Variants in C5orf46 observed in about 807,000 individuals in gnomAD.
C5orf46 encodes the protein chromosome 5 open reading frame 46.
A neutral mutation model predicts 8.9 loss-of-function variants in C5orf46; 9 were observed. The ratio of observed to expected loss-of-function variants is 1.01; its 90% CI spans 0.61 to 1.76. The LOEUF is 1.76. C5orf46 is among the 40% of genes most tolerant of loss of function. The pLI, the probability that C5orf46 is intolerant of heterozygous loss-of-function variation, is 0.00. For synonymous variants in C5orf46, 47 were observed against 41.4 expected, an observed-to-expected ratio of 1.14 and a Z score of -0.52; for missense variants, 98 against 107.8, an observed-to-expected ratio of 0.91 and a Z score of 0.40.
downstream of C5orf46, among the ~76,000 whole-genome samples, chr5:147,892,471 A>G (rs562550308): frequency 6.6e-6 from 1 of 152,188 alleles, no homozygotes; most frequent in South Asian, 2.1e-4. Flanking sequence ...CTGAAATTGC[A>G]TACATTTTTA....
chr5:147,890,825 C>T (rs1757492926), downstream of C5orf46, among the ~76,000 whole-genome samples: 1 of 150,564 alleles, frequency 6.6e-6, no homozygotes, highest in South Asian at 2.1e-4. Context: ...GTGAATAACT[C>T]AGGTAGGATC....
At chr5:147,901,116 C>T (rs764275731) in intron 2 of C5orf46, among the ~76,000 whole-genome samples, 2 of 152,092 alleles carry the variant, frequency 1.3e-5, no homozygotes, top group Non-Finnish European at 2.9e-5. Context: ...GCTACTCAAG[C>T]TAGAAAATAT....
At chr5:147,901,496 T>A in intron 2 of C5orf46, 133 bp downstream of exon 2, 1 of 794,780 alleles carries the variant, frequency 1.3e-6, no homozygotes, top group Non-Finnish European at 1.9e-6. Context: ...TAGGGCAACA[T>A]TTTTCAATGA....
chr5:147,901,869 C>T (rs1383991081), intron 1 of C5orf46, 96 bp from the exon 2 acceptor site: 1 of 1,342,904 alleles, frequency 7.4e-7, no homozygotes, highest in Non-Finnish European at 1.0e-6. Flanking sequence ...CTGACCCACT[C>T]ACAAATTTCA....
downstream of C5orf46, among the ~76,000 whole-genome samples, chr5:147,890,105 A>T (rs1051085839): frequency 6.6e-6 from 1 of 152,178 alleles, no homozygotes; most frequent in Non-Finnish European, 1.5e-5. Flanking sequence ...CCGAGGGAGC[A>T]TGAATGGTTC....
intron 2 of C5orf46, chr5:147,886,126 A>G (rs1757413684): frequency 6.6e-6 from 1 of 152,200 alleles, no homozygotes; most frequent in Non-Finnish European, 1.5e-5. Context: ...TCTCAAAATG[A>G]CAAAATTATA....
At chr5:147,898,412 C>T (rs1175825706) in intron 2 of C5orf46, among the ~76,000 whole-genome samples, 2 of 151,962 alleles carry the variant, frequency 1.3e-5, no homozygotes, top group African/African-American at 4.8e-5. Context: ...GATGATGTGA[C>T]TTAATGAGAT....
chr5:147,886,114 A>G (rs1757413593), intron 2 of C5orf46: 1 of 152,206 alleles, frequency 6.6e-6, no homozygotes, highest in African/African-American at 2.4e-5. Flanking sequence ...TTTATGTAAC[A>G]TTCTCAAAAT....
At chr5:147,886,470 A>G (rs1018938544) in intron 2 of C5orf46, 1 of 150,716 alleles carries the variant, frequency 6.6e-6, no homozygotes. Context: ...TCATATAATC[A>G]TATGGAATAT....
At chr5:147,896,509 A>G (rs1307042599) in intron 3 of C5orf46, among the ~76,000 whole-genome samples, 2 of 152,226 alleles carry the variant, frequency 1.3e-5, no homozygotes, top group Non-Finnish European at 2.9e-5. Flanking sequence ...CGAGTAGGGA[A>G]AAAGCAAGTA....
intron 2 of C5orf46, chr5:147,887,131 C>T (rs560125371): frequency 6.6e-6 from 1 of 152,238 alleles, no homozygotes; most frequent in South Asian, 2.1e-4. Context: ...TACAACCAGA[C>T]AGGTAAGTAC....
chr5:147,898,301 C>A (rs745971328), intron 2 of C5orf46, among the ~76,000 whole-genome samples: 1 of 151,790 alleles, frequency 6.6e-6, no homozygotes, highest in African/African-American at 2.4e-5. Context: ...TACATATACC[C>A]GAGGAAGGTA....
chr5:147,906,483 GA>G lies in C5orf46; in HGVS notation c.18del (p.Arg7AlafsTer2). On this transcript the variant is annotated frameshift_variant, in exon 1 of 4. Coordinates refer to ENST00000318315, the MANE Select transcript of C5orf46 (RefSeq NM_206966.3). LOFTEE classifies it high-confidence loss of function. ...AGCAGTCCCAGGACAACTGTCAGGCGAAGTACTGAGACAGCCATTCTGGTAG... is the reference window on the plus strand; with the variant it reads ...AGCAGTCCCAGGACAACTGTCAGGCGAGTACTGAGACAGCCATTCTGGTAG... MAVSV[L>X]RLTVVLGLLV... 1 of 1,611,672 alleles carries G rather than the reference GA, an allele frequency of 6.2e-7. No individual in the cohort carries two copies. Among genetic ancestry groups the G allele is most frequent in the South Asian group, 1.1e-5 (1 of 90,408 alleles).
downstream of C5orf46, among the ~76,000 whole-genome samples, chr5:147,889,043 CT>C (rs1191591610): frequency 2.6e-5 from 4 of 151,842 alleles, no homozygotes; most frequent in South Asian, 6.3e-4. Context: ...TTTTGAAAAC[CT>C]TTTATAAAAA....
chr5:147,891,507 C>T (rs1757502941), downstream of C5orf46, among the ~76,000 whole-genome samples: 1 of 152,126 alleles, frequency 6.6e-6, no homozygotes, highest in Admixed American at 6.6e-5. Context: ...TGGCACTTTC[C>T]CAACCCTCAA....
intron 1 of C5orf46, among the ~76,000 whole-genome samples, chr5:147,902,061 C>G (rs911379024): frequency 1.3e-5 from 2 of 152,130 alleles, no homozygotes; most frequent in Non-Finnish European, 2.9e-5. Flanking sequence ...GTACTTATCT[C>G]AGAGTTAAGC....
rs187637719 is a variant in C5orf46, at chr5:147,892,806, T to A, written c.*143A>T. 6.6e-6 allele frequency: 1 copy of A among 152,304 alleles called. No individual in the cohort carries two copies. The highest frequency in any genetic ancestry group is 1.9e-4 in the East Asian group (1 of 5,178). The allele number at this position is 152,304 out of a possible 1,614,324, so 9.4% of individuals were successfully genotyped here. ...GTGTTCAAAATGAGTTCTGTTTGGT[T>A]GAAGCCAGAGCCTGAATCCTGAGAA... On this transcript the variant is annotated 3_prime_UTR_variant, in exon 4 of 4. Transcript: ENST00000318315.
chr5:147,897,914 A>G (rs1452958202), intron 2 of C5orf46, among the ~76,000 whole-genome samples: 3 of 152,146 alleles, frequency 2.0e-5, no homozygotes, highest in Non-Finnish European at 4.4e-5. Context: ...AATGAAACTC[A>G]TTAGTCATTG....
intron 2 of C5orf46, among the ~76,000 whole-genome samples, chr5:147,900,306 A>G (rs941847910): frequency 6.6e-6 from 1 of 152,194 alleles, no homozygotes; most frequent in Non-Finnish European, 1.5e-5. Context: ...GATTGCCTGT[A>G]GAACACTGCC....
Sources: gnomAD v4.1 joint callset for allele counts (sites outside exome capture counted in the v4.1 genomes callset) on GRCh38, gnomAD v4.1.1 for gene constraint, MANE v1.5 for transcripts, NCBI Gene and HGNC (gene_info 2026-07-23, HGNC 2026-07-21) for gene names.